Variants in PLA2R1 observed in about 807,000 individuals in gnomAD.
PLA2R1 encodes the protein phospholipase A2 receptor 1.
PLA2R1 carries 158 observed loss-of-function variants against 195.9 expected under a neutral mutation model. That is an observed-to-expected ratio of 0.81 (90% CI 0.71 to 0.92). The LOEUF is 0.92. Among genes scored for constraint, PLA2R1 ranks in the 40% least tolerant of loss-of-function variants. The probability of loss-of-function intolerance (pLI) is 0.00; values close to 1 mark genes in which losing one functional copy is unlikely to be tolerated. For missense variants in PLA2R1, 1,626 were observed against 1,764.6 expected, an observed-to-expected ratio of 0.92 and a Z score of 1.41; for synonymous variants, 586 against 598.2, an observed-to-expected ratio of 0.98 and a Z score of 0.30.
chr2:159,962,900 G>A (rs1193846266), intron 20 of PLA2R1, among the ~76,000 whole-genome samples: 2 of 151,562 alleles, frequency 1.3e-5, no homozygotes, highest in Non-Finnish European at 3.0e-5. Context: ...GGGGCCTAGG[G>A]GAGGGATAAC....
chr2:159,973,624 A>C (rs1689335156), intron 17 of PLA2R1, among the ~76,000 whole-genome samples: 1 of 152,166 alleles, frequency 6.6e-6, no homozygotes, highest in South Asian at 2.1e-4. Flanking sequence ...TTGAGTTTCC[A>C]GCCTCCAGGA....
chr2:160,056,322 T>C (rs533604346), intron 1 of PLA2R1, among the ~76,000 whole-genome samples: 2 of 152,234 alleles, frequency 1.3e-5, no homozygotes, highest in South Asian at 2.1e-4. Context: ...GTATTTCTTA[T>C]TGTGGTTTGC....
At chr2:159,942,539 T>C (rs928591210) in intron 28 of PLA2R1, among the ~76,000 whole-genome samples, 4 of 152,338 alleles carry the variant, frequency 2.6e-5, no homozygotes, top group Non-Finnish European at 5.9e-5. Context: ...GAGTAAAATA[T>C]AAACCCTGCA....
At chr2:160,056,087 A>C (rs761545105) in intron 1 of PLA2R1, among the ~76,000 whole-genome samples, 4 of 152,050 alleles carry the variant, frequency 2.6e-5, no homozygotes, top group Non-Finnish European at 5.9e-5. Context: ...TTCCATACAG[A>C]TGACCCAACA....
rs1038687249 is a variant in PLA2R1, at chr2:159,976,762, C to T, written c.2402-42G>A. The T allele has an allele frequency of 4.6e-6, 7 of 1,519,736 alleles. No homozygotes were observed. The Admixed American group carries it at 6.7e-5, about 15-fold the overall frequency. The allele number at this position is 1,519,736 out of a possible 1,614,324, so 94.1% of individuals were successfully genotyped here. A position where few individuals can be genotyped will look rare whatever the true frequency, so the allele number is the denominator to read the frequency against. ...AATCACTTTGACTGATCTTGCTTCT[C>T]AAGTGCATTGTCTGTGAATTACTTC... On this transcript the variant is annotated intron_variant, in intron 15 of 29. Coordinates refer to ENST00000283243, the MANE Select transcript of PLA2R1 (RefSeq NM_007366.5).
intron 27 of PLA2R1, chr2:159,946,391 GA>G: frequency 1.0e-6 from 1 of 985,992 alleles, no homozygotes; most frequent in Non-Finnish European, 1.2e-6. Context: ...TGGTTTTTAT[GA>G]GTAGCAAATA....
intron 13 of PLA2R1, among the ~76,000 whole-genome samples, chr2:159,982,953 A>G (rs576279162): frequency 6.6e-6 from 1 of 152,218 alleles, no homozygotes; most frequent in South Asian, 2.1e-4. Context: ...GAATTATCCA[A>G]CCAGCTATGC....
Position 160,020,789 on chromosome 2 carries a change from T to C in PLA2R1, c.1295-526A>G, listed in dbSNP as rs539490104. Among the ~76,000 whole-genome samples, 14 of 152,330 alleles carry C rather than the reference T, an allele frequency of 9.2e-5. No individual in the cohort carries two copies. The South Asian group carries it at 2.5e-3, about 27-fold the overall frequency. The stretch of plus-strand genomic sequence containing the variant: ...ATAACTGTAGGAAATAAATTTCTTT[T>C]ATTTATAAATTACTCAGTTTCTTTG... On this transcript the variant is annotated intron_variant, in intron 7 of 29. Transcript: ENST00000283243.
intron 26 of PLA2R1, 83 bp downstream of exon 26, chr2:159,947,336 G>T: frequency 8.6e-7 from 1 of 1,163,730 alleles, no homozygotes; most frequent in Non-Finnish European, 1.2e-6. Context: ...TAAATAATGG[G>T]ATGAATAAAG....
chr2:159,986,145 C>G (rs986818248), intron 12 of PLA2R1, among the ~76,000 whole-genome samples: 6 of 152,080 alleles, frequency 3.9e-5, no homozygotes, highest in Admixed American at 3.9e-4. Flanking sequence ...TCTGTGAATA[C>G]AAGTTGAGCA....
chr2:160,010,429 T>C (rs942668168), intron 10 of PLA2R1, among the ~76,000 whole-genome samples: 1 of 152,186 alleles, frequency 6.6e-6, no homozygotes, highest in Non-Finnish European at 1.5e-5. Flanking sequence ...CCACAAAGTG[T>C]TAAAAGTCTT....
At chr2:160,020,617 T>C (rs1344327043) in intron 7 of PLA2R1, among the ~76,000 whole-genome samples, 2 of 152,048 alleles carry the variant, frequency 1.3e-5, no homozygotes, top group Non-Finnish European at 2.9e-5. Flanking sequence ...GGTGGCTTTA[T>C]AAGAGGAGGA....
chr2:159,943,414 T>C (rs952799998), intron 28 of PLA2R1, among the ~76,000 whole-genome samples: 8 of 152,226 alleles, frequency 5.3e-5, no homozygotes, highest in African/African-American at 1.4e-4. Context: ...CAAGTGATAA[T>C]TGAATATAGT....
chr2:159,955,388 GCATTATTATAA>G (rs1688019405), intron 22 of PLA2R1, 42 bp from the exon 23 acceptor site: 1 of 1,272,036 alleles, frequency 7.9e-7, no homozygotes, highest in South Asian at 1.4e-5. Flanking sequence ...ATAACATATA[GCATTATTATAA>G]CATTAAAATT....
intron 27 of PLA2R1, 120 bp from the exon 28 acceptor site, chr2:159,945,202 T>A (rs1460806229): frequency 2.5e-6 from 1 of 402,512 alleles, no homozygotes; most frequent in East Asian, 5.3e-5. Context: ...TTATTTTTAT[T>A]TTTTTATTAT....
At chr2:160,021,630 T>C (rs1693127079) in intron 7 of PLA2R1, among the ~76,000 whole-genome samples, 1 of 152,128 alleles carries the variant, frequency 6.6e-6, no homozygotes, top group South Asian at 2.1e-4. Context: ...TTCCAAAAGG[T>C]AGCAGAGGTG....
the PLA2R1 span, among the ~76,000 whole-genome samples, chr2:159,924,002 G>C: frequency 2.0e-5 from 3 of 148,502 alleles, no homozygotes; most frequent in African/African-American, 7.3e-5. Flanking sequence ...AGGTATCATT[G>C]GGTTGAAATC....
chr2:159,977,782 A>G (rs1689676834), intron 14 of PLA2R1, among the ~76,000 whole-genome samples: 1 of 152,052 alleles, frequency 6.6e-6, no homozygotes, highest in Admixed American at 6.6e-5. Flanking sequence ...CTAAAAATAC[A>G]AAAACAAAAA....
intron 13 of PLA2R1, among the ~76,000 whole-genome samples, chr2:159,980,495 T>C (rs1195864602): frequency 5.3e-5 from 8 of 152,206 alleles, no homozygotes; most frequent in Admixed American, 5.2e-4. Context: ...TCTCTGAAAG[T>C]CAACCACCAT....
Sources: allele counts gnomAD v4.1 joint callset (sites outside exome capture counted in the v4.1 genomes callset), GRCh38; gene constraint gnomAD v4.1.1; transcripts MANE v1.5; gene names NCBI Gene and HGNC (gene_info 2026-07-23, HGNC 2026-07-21).